Variants in SPPL3 observed in about 807,000 individuals in gnomAD.
SPPL3 encodes signal peptide peptidase like 3, also known as signal peptide peptidase-like 3.
SPPL3 carries 5 observed loss-of-function variants against 42.4 expected under a neutral mutation model. The ratio of observed to expected loss-of-function variants is 0.12; its 90% CI spans 0.06 to 0.25. SPPL3 has a LOEUF of 0.25. SPPL3 is among the 10% of genes least tolerant of loss of function. The pLI, the probability that SPPL3 is intolerant of heterozygous loss-of-function variation, is 1.00. For synonymous variants in SPPL3, 195 were observed against 181.8 expected (o/e 1.07, Z -0.58); for missense variants, 235 against 489.0 (o/e 0.48, Z 4.90).
At chr12:120,854,882 T>C (rs933157203) in intron 1 of SPPL3, among the ~76,000 whole-genome samples, 3 of 152,200 alleles carry the variant, frequency 2.0e-5, no homozygotes, top group Middle Eastern at 3.2e-3. Context: ...GGAAAAACAG[T>C]GCAATGAAAA....
At chr12:120,792,997 T>C (rs773362684) in intron 2 of SPPL3, among the ~76,000 whole-genome samples, 9 of 152,080 alleles carry the variant, frequency 5.9e-5, no homozygotes, top group Admixed American at 4.6e-4. Flanking sequence ...AGACAACCCA[T>C]AGGATGGGAG....
chr12:120,824,037 A>T (rs991356413), intron 1 of SPPL3, among the ~76,000 whole-genome samples: 14 of 151,602 alleles, frequency 9.2e-5, no homozygotes, highest in Non-Finnish European at 1.6e-4. Context: ...AGCCCAGCTA[A>T]TTTTTTCTAT....
chr12:120,851,269 C>CT (rs1182559431), intron 1 of SPPL3, among the ~76,000 whole-genome samples: 1 of 152,210 alleles, frequency 6.6e-6, no homozygotes, highest in East Asian at 1.9e-4. Context: ...GCACATACCA[C>CT]TTCTCCTCCA....
chr12:120,823,222 T>TGGGGGGTG (rs1555250409), intron 1 of SPPL3, among the ~76,000 whole-genome samples: 15 of 106,396 alleles, frequency 1.4e-4, no homozygotes, highest in East Asian at 3.7e-4. Context: ...GGGTGGGGGG[T>TGGGGGGTG]GGGGGGGCGG....
chr12:120,859,658 C>CA (rs1291092766), intron 1 of SPPL3, among the ~76,000 whole-genome samples: 1 of 152,126 alleles, frequency 6.6e-6, no homozygotes, highest in African/African-American at 2.4e-5. Flanking sequence ...CATACAGACT[C>CA]AAAAAGTCTA....
chr12:120,825,817 G>A (rs1167279933), intron 1 of SPPL3, among the ~76,000 whole-genome samples: 1 of 152,152 alleles, frequency 6.6e-6, no homozygotes, highest in Admixed American at 6.5e-5. Flanking sequence ...CTAGAATCAA[G>A]GAGACCAAGT....
At chr12:120,833,712 G>T in intron 1 of SPPL3, among the ~76,000 whole-genome samples, 1 of 136,576 alleles carries the variant, frequency 7.3e-6, no homozygotes, top group Admixed American at 7.1e-5. Context: ...GAGAAAAAAA[G>T]GAGGAAAAAC....
intron 1 of SPPL3, among the ~76,000 whole-genome samples, chr12:120,834,329 TG>T (rs1269270282): frequency 6.6e-6 from 1 of 151,834 alleles, no homozygotes; most frequent in African/African-American, 2.4e-5. Flanking sequence ...GGCAATGGAG[TG>T]GTGAAATGTG....
At chr12:120,852,225 AAAT>A (rs1713746106) in intron 1 of SPPL3, among the ~76,000 whole-genome samples, 1 of 151,770 alleles carries the variant, frequency 6.6e-6, no homozygotes, top group Non-Finnish European at 1.5e-5. Context: ...GGGCTCAGAC[AAAT>A]AATTTAGGAA....
At chr12:120,833,625 T>C (rs1220938403) in intron 1 of SPPL3, among the ~76,000 whole-genome samples, 3 of 139,998 alleles carry the variant, frequency 2.1e-5, no homozygotes, top group African/African-American at 8.2e-5. Flanking sequence ...AGGCCAGGAG[T>C]TGGGAGACCA....
At chr12:120,877,297 G>T (rs2137054506) in intron 1 of SPPL3, among the ~76,000 whole-genome samples, 1 of 152,202 alleles carries the variant, frequency 6.6e-6, no homozygotes, top group East Asian at 1.9e-4. Context: ...ACCATTTGAA[G>T]AAAGAATTAT....
At chr12:120,792,593 G>T (rs1334348540) in intron 2 of SPPL3, among the ~76,000 whole-genome samples, 1 of 151,552 alleles carries the variant, frequency 6.6e-6, no homozygotes, top group African/African-American at 2.4e-5. Flanking sequence ...CCAGCTACTT[G>T]GGAGGCTGAG....
chr12:120,813,570 C>T (rs1454555050), intron 1 of SPPL3, among the ~76,000 whole-genome samples: 1 of 152,000 alleles, frequency 6.6e-6, no homozygotes, highest in Non-Finnish European at 1.5e-5. Flanking sequence ...ATCCACCCGC[C>T]TCGGCCTCTC....
At chr12:120,890,256 A>G (rs1873592616) in intron 1 of SPPL3, among the ~76,000 whole-genome samples, 1 of 151,850 alleles carries the variant, frequency 6.6e-6, no homozygotes, top group Non-Finnish European at 1.5e-5. Flanking sequence ...TCCCAAAAAA[A>G]TAAAATAAAA....
intron 1 of SPPL3, among the ~76,000 whole-genome samples, chr12:120,877,748 T>C (rs1386860767): frequency 7.1e-6 from 1 of 140,990 alleles, no homozygotes. Context: ...GCCATTGCAC[T>C]CCAGCCTGGG....
rs141768340 is a variant in SPPL3 at position 120,889,985 on chromosome 12, C to T, written c.23+13860G>A. Among the ~76,000 whole-genome samples, 1,007 of 152,310 alleles carry T rather than the reference C, an allele frequency of 6.6e-3. 6 individuals are homozygous for T. The highest frequency in any genetic ancestry group is 0.023 in the African/African-American group (962 of 41,574). On this transcript the variant is annotated intron_variant, in intron 1 of 10. Transcript: ENST00000353487. ...ATTTTGCTGGGGGCGGTGGCTCACG[C>T]CTGTAATCCCAGCACTTTGGGAGGC...
rs1868771401 is a variant in SPPL3, at chr12:120,763,963, C to CACAAAGA, written c.*1035_*1036insTCTTTGT. 2.0e-5 allele frequency: 3 copies of CACAAAGA among 152,494 alleles called. No individual in the cohort carries two copies. The highest frequency in any genetic ancestry group is 2.4e-5 in the African/African-American group (1 of 41,384). The allele number at this position is 152,494 out of a possible 1,614,324, so 9.4% of individuals were successfully genotyped here. ...TGAGAAAGCACAAAGACACCTGCTG[C>CACAAAGA]TATAATACATGCATTGGCTCGAGAA... On this transcript the variant is annotated 3_prime_UTR_variant, in exon 11 of 11. Transcript: ENST00000353487.
At chr12:120,886,952 T>C (rs1873480548) in intron 1 of SPPL3, among the ~76,000 whole-genome samples, 1 of 152,096 alleles carries the variant, frequency 6.6e-6, no homozygotes, top group African/African-American at 2.4e-5. Flanking sequence ...AATTTGTATA[T>C]TGATTACATA....
intron 1 of SPPL3, among the ~76,000 whole-genome samples, chr12:120,849,408 G>C (rs566501639): frequency 3.0e-4 from 45 of 152,232 alleles, no homozygotes; most frequent in Admixed American, 1.0e-3. Context: ...TGTTTAAGTA[G>C]ATACGAATAG....
Sources: allele counts gnomAD v4.1 joint callset (sites outside exome capture counted in the v4.1 genomes callset), GRCh38; gene constraint gnomAD v4.1.1; transcripts MANE v1.5; gene names NCBI Gene and HGNC (gene_info 2026-07-23, HGNC 2026-07-21).